Variants in HPSE2 observed in about 807,000 individuals in gnomAD.
HPSE2 encodes heparanase 2 (inactive).
In HPSE2, 38 loss-of-function variants were observed where a neutral mutation model predicts 60.5. The observed-to-expected ratio is 0.63, with a 90% CI of 0.48 to 0.82. The LOEUF (loss-of-function observed/expected upper bound fraction) is 0.82. HPSE2 is among the 40% of genes least tolerant of loss of function. HPSE2 has a pLI of 0.00. For synonymous variants in HPSE2, 295 were observed against 293.2 expected (o/e 1.01, Z -0.06); for missense variants, 713 against 740.4 (o/e 0.96, Z 0.43).
intron 11 of HPSE2, among the ~76,000 whole-genome samples, chr10:98,479,492 C>A (rs929656178): frequency 2.6e-5 from 4 of 152,176 alleles, no homozygotes; most frequent in African/African-American, 9.7e-5. Flanking sequence ...CCTGTGAGAC[C>A]CCCATCGCAG....
intron 3 of HPSE2, among the ~76,000 whole-genome samples, chr10:98,790,501 G>A (rs1015925618): frequency 6.6e-6 from 1 of 152,154 alleles, no homozygotes; most frequent in Non-Finnish European, 1.5e-5. Flanking sequence ...AAGGAGGGAT[G>A]AGGAAAGGGA....
intron 3 of HPSE2, among the ~76,000 whole-genome samples, chr10:98,882,101 A>G (rs944751980): frequency 2.0e-5 from 3 of 151,392 alleles, no homozygotes; most frequent in Non-Finnish European, 2.9e-5. Flanking sequence ...TCCCTCCTAC[A>G]CTCCTGCCTT....
chr10:98,910,299 G>T (rs555307903), intron 3 of HPSE2, among the ~76,000 whole-genome samples: 1 of 152,242 alleles, frequency 6.6e-6, no homozygotes, highest in East Asian at 1.9e-4. Context: ...CACCCTTGCT[G>T]CCCTCAGTAT....
chr10:99,138,417 T>G (rs1431059514), intron 3 of HPSE2, among the ~76,000 whole-genome samples: 2 of 152,184 alleles, frequency 1.3e-5, no homozygotes, highest in Non-Finnish European at 2.9e-5. Context: ...TTATAAATCA[T>G]TCTACTATAA....
At chr10:98,591,164 G>C (rs1309404546) in intron 9 of HPSE2, among the ~76,000 whole-genome samples, 2 of 152,128 alleles carry the variant, frequency 1.3e-5, no homozygotes, top group East Asian at 3.9e-4. Context: ...CCACTAGCTA[G>C]CAAATTATTT....
chr10:98,725,434 T>A (rs374134233), intron 4 of HPSE2, among the ~76,000 whole-genome samples: 10 of 152,202 alleles, frequency 6.6e-5, no homozygotes, highest in East Asian at 5.8e-4. Context: ...CTGGCTAGCC[T>A]TATGTAGAAA....
intron 3 of HPSE2, among the ~76,000 whole-genome samples, chr10:99,027,014 C>T (rs536441770): frequency 3.4e-4 from 52 of 151,392 alleles, no homozygotes; most frequent in African/African-American, 1.2e-3. Flanking sequence ...TTACATCACA[C>T]AAGAAAAAAA....
chr10:98,847,710 T>C (rs567920289), intron 3 of HPSE2, among the ~76,000 whole-genome samples: 2 of 152,342 alleles, frequency 1.3e-5, no homozygotes, highest in African/African-American at 4.8e-5. Context: ...GCTTGCTCTA[T>C]GTATGATATG....
chr10:99,271,712 A>G, the HPSE2 span, among the ~76,000 whole-genome samples: 1 of 152,198 alleles, frequency 6.6e-6, no homozygotes, highest in African/African-American at 2.4e-5. Flanking sequence ...AAAAGAACAA[A>G]TCTGGAGATA....
rs941870944 is a variant in HPSE2, at chr10:98,694,071, C to T, written c.957-124G>A. 1.3e-5 allele frequency: 10 copies of T among 779,080 alleles called. No homozygotes were observed. In the African/African-American group the frequency reaches 1.4e-4, roughly 11 times the overall value. 48.3% of individuals were successfully genotyped at this position (779,080 alleles called of 1,614,324 possible). ...AGCAGGTATGCTTTCTGAGAGGATC[C>T]TCCATAGCCACAATCATGGCCTAGA... On this transcript the variant is annotated intron_variant, in intron 5 of 11. Coordinates refer to ENST00000370552, the MANE Select transcript of HPSE2 (RefSeq NM_021828.5).
chr10:98,548,352 C>T (rs977270846), intron 9 of HPSE2, among the ~76,000 whole-genome samples: 2 of 152,178 alleles, frequency 1.3e-5, no homozygotes, highest in Non-Finnish European at 2.9e-5. Context: ...TGCGGTGGCT[C>T]ACGCCTGTAA....
At chr10:99,060,870 T>C (rs1244410433) in intron 3 of HPSE2, among the ~76,000 whole-genome samples, 1 of 152,044 alleles carries the variant, frequency 6.6e-6, no homozygotes, top group African/African-American at 2.4e-5. Context: ...TGTTCTCACT[T>C]ACTTGTGCGA....
At chr10:98,886,750 A>C (rs536365009) in intron 3 of HPSE2, among the ~76,000 whole-genome samples, 2 of 152,294 alleles carry the variant, frequency 1.3e-5, no homozygotes, top group African/African-American at 2.4e-5. Context: ...TCGGAAAAGC[A>C]TAAGACAAGA....
intron 3 of HPSE2, among the ~76,000 whole-genome samples, chr10:98,744,754 C>T (rs1195793917): frequency 6.6e-6 from 1 of 152,136 alleles, no homozygotes; most frequent in Non-Finnish European, 1.5e-5. Flanking sequence ...CATATTCCTA[C>T]AGGACATAAG....
chr10:99,055,244 G>A (rs943385286), intron 3 of HPSE2, among the ~76,000 whole-genome samples: 2 of 152,058 alleles, frequency 1.3e-5, no homozygotes, highest in South Asian at 2.1e-4. Flanking sequence ...AGAATTAAAG[G>A]AAAATGTAGT....
chr10:98,566,115 A>G (rs986801552), intron 9 of HPSE2, among the ~76,000 whole-genome samples: 4 of 152,184 alleles, frequency 2.6e-5, no homozygotes, highest in Admixed American at 2.0e-4. Context: ...GAACACTTCA[A>G]ATGTGTGAAA....
At chr10:99,315,658 C>T in the HPSE2 span, among the ~76,000 whole-genome samples, 1 of 152,310 alleles carries the variant, frequency 6.6e-6, no homozygotes, top group Non-Finnish European at 1.5e-5. Context: ...GTGGTTATTT[C>T]TATGGCGATT....
intron 3 of HPSE2, among the ~76,000 whole-genome samples, chr10:99,035,231 T>C (rs1220077613): frequency 6.6e-6 from 1 of 152,246 alleles, no homozygotes; most frequent in East Asian, 1.9e-4. Flanking sequence ...ATACAAAAAA[T>C]GTGTTGTTAA....
intron 3 of HPSE2, among the ~76,000 whole-genome samples, chr10:99,082,206 T>C (rs1168254765): frequency 6.6e-6 from 1 of 152,120 alleles, no homozygotes; most frequent in African/African-American, 2.4e-5. Context: ...AGAAGAAAAC[T>C]TCACCCTAAC....
Sources: gnomAD v4.1 joint callset for allele counts (sites outside exome capture counted in the v4.1 genomes callset) on GRCh38, gnomAD v4.1.1 for gene constraint, MANE v1.5 for transcripts, NCBI Gene and HGNC (gene_info 2026-07-23, HGNC 2026-07-21) for gene names.